Variants in GRK5 observed in about 807,000 individuals in gnomAD.
The protein encoded by GRK5 is G protein-coupled receptor kinase 5, also known as g protein-coupled receptor kinase GRK5.
GRK5 carries 40 observed loss-of-function variants against 78.4 expected under a neutral mutation model. That is an observed-to-expected ratio of 0.51 (90% CI 0.40 to 0.66). GRK5 has a LOEUF of 0.66. GRK5 is among the 30% of genes least tolerant of loss of function. The pLI is 0.00. For synonymous variants in GRK5, 289 were observed against 296.8 expected, an observed-to-expected ratio of 0.97 and a Z score of 0.27; for missense variants, 598 against 759.9, an observed-to-expected ratio of 0.79 and a Z score of 2.50.
At chr10:119,288,746 C>T (rs967026907) in intron 1 of GRK5, among the ~76,000 whole-genome samples, 1 of 152,226 alleles carries the variant, frequency 6.6e-6, no homozygotes, top group Non-Finnish European at 1.5e-5. Context: ...AGGCCGGCTG[C>T]TCTTCCTCCT....
rs552678652 is a variant in GRK5, at chr10:119,379,432, A to G, written c.149-1383A>G. 6.6e-6 allele frequency among the ~76,000 whole-genome samples: 1 copy of G among 152,296 alleles called. No individual in the cohort carries two copies. Among genetic ancestry groups the G allele is most frequent in the South Asian group, 2.1e-4 (1 of 4,830 alleles). On this transcript the variant is annotated intron_variant, in intron 2 of 15. Transcript: ENST00000392870. This position sits in a 1 kb window ranked among gnomAD's most constrained non-coding sequence, Gnocchi z 4.1. ...ATAGCTTTACATCCTGTGGATAAGC[A>G]TTTTGAGACTAAGAATCAAAGTGTG...
At chr10:119,216,262 C>CA (rs1022508930) in intron 1 of GRK5, among the ~76,000 whole-genome samples, 2 of 152,156 alleles carry the variant, frequency 1.3e-5, no homozygotes, top group African/African-American at 4.8e-5. Context: ...TGTGGAATAT[C>CA]AAAAATTTTT....
At chr10:119,281,705 G>A (rs996615672) in intron 1 of GRK5, among the ~76,000 whole-genome samples, 5 of 152,128 alleles carry the variant, frequency 3.3e-5, no homozygotes, top group African/African-American at 1.2e-4. Context: ...TTGGGCCCCT[G>A]CCCATTTGGA....
At position 119,275,613 on chromosome 10, in the gene GRK5, G is replaced by GCGCACA. The variant is rs1195537574; in HGVS notation, c.53-50902_53-50901insGCACAC. ...CTCTCTCTCTCTCTCTCTCTCTCTC[G>GCGCACA]CACACACACACACACACACACACAC... On this transcript the variant is annotated intron_variant, in intron 1 of 15. Transcript: ENST00000392870. Among the ~76,000 whole-genome samples the GCGCACA allele has an allele frequency of 3.8e-3, 455 of 120,742 alleles. 2 individuals carry two copies. The highest frequency in any genetic ancestry group is 9.5e-3 in the African/African-American group (326 of 34,302). The allele number at this position is 120,742 out of a possible 152,430, so 79.2% of individuals were successfully genotyped here. A position where few individuals can be genotyped will look rare whatever the true frequency, so the allele number is the denominator to read the frequency against.
rs1045696725 is a variant in GRK5, at chr10:119,455,263, G to A, written c.*196G>A. 5.7e-6 allele frequency: 4 copies of A among 700,404 alleles called. No homozygotes were observed. The highest frequency in any genetic ancestry group is 1.7e-5 in the African/African-American group (1 of 57,226). The allele number at this position is 700,404 out of a possible 1,614,324, so 43.4% of individuals were successfully genotyped here. A position where few individuals can be genotyped will look rare whatever the true frequency, so the allele number is the denominator to read the frequency against. The stretch of plus-strand genomic sequence containing the variant: ...TCCACTCAGGTCTGTTTTCCGAGGC[G>A]GCCCCGGCCGGGGTGGATTGGATTT... On this transcript the variant is annotated 3_prime_UTR_variant, in exon 16 of 16. Transcript: ENST00000392870.
chr10:119,369,829 C>T (rs1851517907), intron 2 of GRK5, among the ~76,000 whole-genome samples: 1 of 152,172 alleles, frequency 6.6e-6, no homozygotes, highest in Admixed American at 6.5e-5. Flanking sequence ...TGCCAGGCCC[C>T]TTCCAGCGAC....
At chr10:119,223,275 C>T (rs952378402) in intron 1 of GRK5, among the ~76,000 whole-genome samples, 2 of 152,130 alleles carry the variant, frequency 1.3e-5, no homozygotes, top group Non-Finnish European at 2.9e-5. Flanking sequence ...CTTGAATGAC[C>T]TCATGTTAAC....
chr10:119,312,566 G>GA (rs1250707522), intron 1 of GRK5, among the ~76,000 whole-genome samples: 5 of 152,326 alleles, frequency 3.3e-5, no homozygotes, highest in African/African-American at 1.2e-4. Context: ...GCCCTTTGCA[G>GA]AAAAAATCCT....
chr10:119,239,295 TGCAA>T (rs1259739059), intron 1 of GRK5, among the ~76,000 whole-genome samples: 14 of 150,488 alleles, frequency 9.3e-5, no homozygotes, highest in Non-Finnish European at 1.6e-4. Flanking sequence ...AGTACAGTGG[TGCAA>T]TCTCAGCTCA....
chr10:119,391,267 G>T (rs1306601452), intron 3 of GRK5, among the ~76,000 whole-genome samples: 1 of 151,430 alleles, frequency 6.6e-6, no homozygotes, highest in Non-Finnish European at 1.5e-5. Flanking sequence ...GCGGGCACAA[G>T]CTCTGGGGTT....
intron 2 of GRK5, among the ~76,000 whole-genome samples, chr10:119,347,905 C>T (rs891177979): frequency 2.0e-5 from 3 of 152,208 alleles, no homozygotes; most frequent in South Asian, 2.1e-4. Flanking sequence ...GGGTGAATGC[C>T]GAGGCTGCCA....
chr10:119,213,329 G>A (rs1007185919), intron 1 of GRK5, among the ~76,000 whole-genome samples: 7 of 152,092 alleles, frequency 4.6e-5, no homozygotes, highest in Non-Finnish European at 1.0e-4. Context: ...TGGCCAACAT[G>A]GTGAAATCCT....
intron 2 of GRK5, among the ~76,000 whole-genome samples, chr10:119,327,710 T>A (rs898123314): frequency 3.3e-5 from 5 of 152,154 alleles, no homozygotes; most frequent in Non-Finnish European, 7.4e-5. Context: ...GCTTGCTCCG[T>A]CCTGGCCCTG....
At chr10:119,408,923 G>A (rs1346244816) in intron 4 of GRK5, among the ~76,000 whole-genome samples, 3 of 152,358 alleles carry the variant, frequency 2.0e-5, no homozygotes, top group South Asian at 4.1e-4. Flanking sequence ...CCTGTCCGAT[G>A]CTGGAGCCTG....
In GRK5 at chr10:119,337,902, G is replaced by A. The variant is rs140327687; in HGVS notation, c.148+11291G>A. Among the ~76,000 whole-genome samples the A allele has an allele frequency of 2.9e-3, 447 of 152,224 alleles. 5 individuals are homozygous for A. Among genetic ancestry groups the A allele is most frequent in the African/African-American group, 1.0e-2 (415 of 41,550 alleles). On this transcript the variant is annotated intron_variant, in intron 2 of 15. Transcript: ENST00000392870. ...CTCCCATAGTATTGGGAGTACAGGC[G>A]TGAGCCACCACACCTGGCCAAGTTT...
intron 1 of GRK5, among the ~76,000 whole-genome samples, chr10:119,220,593 G>C (rs970647780): frequency 2.0e-5 from 3 of 152,074 alleles, no homozygotes; most frequent in African/African-American, 7.2e-5. Context: ...CCAGCACTTT[G>C]GGAGGCCAAG....
chr10:119,277,726 C>T (rs752363221), intron 1 of GRK5, among the ~76,000 whole-genome samples: 1 of 152,226 alleles, frequency 6.6e-6, no homozygotes, highest in Non-Finnish European at 1.5e-5. Context: ...CCTGTCATCC[C>T]TTCCTGTCCC....
intron 2 of GRK5, among the ~76,000 whole-genome samples, chr10:119,354,773 C>T (rs979642685): frequency 1.3e-5 from 2 of 151,752 alleles, no homozygotes; most frequent in African/African-American, 4.8e-5. Flanking sequence ...TGTGTAGGTC[C>T]ACCTTTATGA....
chr10:119,357,005 G>A (rs1564903337), intron 2 of GRK5, among the ~76,000 whole-genome samples: 1 of 152,344 alleles, frequency 6.6e-6, no homozygotes, highest in South Asian at 2.1e-4. Context: ...GCCCACCAAA[G>A]AACAGCATGT....
Sources: allele counts gnomAD v4.1 joint callset (sites outside exome capture counted in the v4.1 genomes callset), GRCh38; gene constraint gnomAD v4.1.1; non-coding constraint Gnocchi (gnomAD v3.1); transcripts MANE v1.5; gene names NCBI Gene and HGNC (gene_info 2026-07-23, HGNC 2026-07-21).